The following CSMD3 variants were observed in gnomAD, a reference collection of about 807,000 sequenced individuals.
CSMD3 encodes CUB and sushi domain-containing protein 3.
In CSMD3, 177 loss-of-function variants were observed where a neutral mutation model predicts 435.2. The ratio of observed to expected loss-of-function variants is 0.41; its 90% CI spans 0.36 to 0.46. The LOEUF (loss-of-function observed/expected upper bound fraction) is 0.46. Ranked by LOEUF, CSMD3 falls within the 20% of genes least tolerant of loss-of-function variation. The probability of loss-of-function intolerance (pLI) is 0.34; values close to 1 mark genes in which losing one functional copy is unlikely to be tolerated. For missense variants in CSMD3, 4,265 were observed against 4,504.6 expected (o/e 0.95, Z 1.52); for synonymous variants, 1,656 against 1,520.5 (o/e 1.09, Z -2.07).
chr8:112,712,796 A>T (rs1229749837), intron 13 of CSMD3, among the ~76,000 whole-genome samples: 2 of 28,656 alleles, frequency 7.0e-5, no homozygotes, highest in African/African-American at 3.6e-4. Context: ...AATCAAAAAT[A>T]AAAAAAAAAA....
At chr8:113,007,975 A>G (rs1336860182) in intron 6 of CSMD3, among the ~76,000 whole-genome samples, 1 of 151,890 alleles carries the variant, frequency 6.6e-6, no homozygotes, top group African/African-American at 2.4e-5. Context: ...GAAATGAGAA[A>G]TATTCATTCC....
chr8:112,557,014 C>A (rs1042370078), intron 24 of CSMD3, 60 bp from the exon 25 acceptor site: 8 of 995,866 alleles, frequency 8.0e-6, no homozygotes, highest in East Asian at 5.0e-5. Flanking sequence ...TAAATCTATA[C>A]AAATCATTCC....
intron 12 of CSMD3, among the ~76,000 whole-genome samples, chr8:112,825,773 G>A (rs985120494): frequency 1.3e-5 from 2 of 152,076 alleles, no homozygotes; most frequent in Non-Finnish European, 2.9e-5. Context: ...TCCTGTATAG[G>A]GTGTCTGAGA....
intron 35 of CSMD3, among the ~76,000 whole-genome samples, chr8:112,396,189 A>C (rs910947155): frequency 6.6e-5 from 10 of 152,288 alleles, no homozygotes; most frequent in Admixed American, 4.6e-4. Context: ...GAACTGTGAA[A>C]CTGAAATGAT....
rs1300369089 is a variant in CSMD3, at chr8:112,420,403, C to G, written c.5396-11371G>C. Among the ~76,000 whole-genome samples, 3 of 152,208 alleles carry G rather than the reference C, an allele frequency of 2.0e-5. No homozygotes were observed. In the East Asian group the frequency reaches 5.8e-4, roughly 29 times the overall value. Reference sequence around the variant, plus strand: ...AATAGCCACAATATAATTACCAGATCTAACAAATTTAATGATAATTTCTTT... The same window carrying G: ...AATAGCCACAATATAATTACCAGATGTAACAAATTTAATGATAATTTCTTT... On this transcript the variant is annotated intron_variant, in intron 32 of 70. Transcript: ENST00000297405.
chr8:113,301,004 A>G (rs1441537021), intron 2 of CSMD3, among the ~76,000 whole-genome samples: 4 of 152,192 alleles, frequency 2.6e-5, no homozygotes, highest in Admixed American at 6.5e-5. Flanking sequence ...GGGATGATAT[A>G]TATTTTATAA....
At chr8:113,214,509 T>C (rs957545664) in intron 3 of CSMD3, among the ~76,000 whole-genome samples, 1 of 151,970 alleles carries the variant, frequency 6.6e-6, no homozygotes, top group African/African-American at 2.4e-5. Flanking sequence ...ATAACAAGGA[T>C]ATATCTTCTG....
intron 13 of CSMD3, among the ~76,000 whole-genome samples, chr8:112,753,282 T>C (rs956823476): frequency 2.6e-5 from 4 of 152,170 alleles, no homozygotes; most frequent in Admixed American, 2.6e-4. Flanking sequence ...GGGTTGGAGA[T>C]GAAAAGAGGA....
At chr8:113,344,419 A>G (rs1487788162) in intron 1 of CSMD3, among the ~76,000 whole-genome samples, 2 of 152,184 alleles carry the variant, frequency 1.3e-5, no homozygotes, top group Non-Finnish European at 2.9e-5. Context: ...TTATGAAAAC[A>G]TCTATTAAGC....
intron 3 of CSMD3, among the ~76,000 whole-genome samples, chr8:113,236,050 T>A (rs538968247): frequency 6.6e-6 from 1 of 152,160 alleles, no homozygotes; most frequent in Admixed American, 6.6e-5. Context: ...TTCCCTGGGG[T>A]CCCACATGCA....
chr8:112,311,679 C>G (rs990521973), intron 49 of CSMD3, among the ~76,000 whole-genome samples: 1 of 152,162 alleles, frequency 6.6e-6, no homozygotes, highest in Non-Finnish European at 1.5e-5. Flanking sequence ...AAAGTGTGCC[C>G]ATTCTGTCAA....
At chr8:112,449,381 G>A (rs534578558) in intron 32 of CSMD3, among the ~76,000 whole-genome samples, 13 of 152,170 alleles carry the variant, frequency 8.5e-5, no homozygotes, top group African/African-American at 2.4e-4. Context: ...CCATTTTACC[G>A]CCAAAATAGA....
chr8:112,349,333 T>G (rs2131042305), intron 40 of CSMD3, among the ~76,000 whole-genome samples: 1 of 152,168 alleles, frequency 6.6e-6, no homozygotes, highest in South Asian at 2.1e-4. Context: ...TGAGAAATTC[T>G]TACACGTTAA....
At chr8:113,322,185 A>G (rs2093953623) in intron 1 of CSMD3, among the ~76,000 whole-genome samples, 1 of 152,080 alleles carries the variant, frequency 6.6e-6, no homozygotes, top group Non-Finnish European at 1.5e-5. Flanking sequence ...CAAAGTAACC[A>G]TTATCGCCTC....
intron 3 of CSMD3, among the ~76,000 whole-genome samples, chr8:113,236,048 G>A (rs1301017961): frequency 6.6e-6 from 1 of 152,006 alleles, no homozygotes; most frequent in Non-Finnish European, 1.5e-5. Context: ...ACTTCCCTGG[G>A]GTCCCACATG....
intron 2 of CSMD3, among the ~76,000 whole-genome samples, chr8:113,304,904 T>A (rs1442679525): frequency 1.3e-5 from 1 of 74,114 alleles, no homozygotes; most frequent in Admixed American, 2.0e-4. Flanking sequence ...CCCTAAAACT[T>A]AAAGTATAAT....
chr8:112,947,648 G>T (rs1420851256), intron 9 of CSMD3, 142 bp downstream of exon 9: 5 of 498,350 alleles, frequency 1.0e-5, no homozygotes, highest in Non-Finnish European at 1.8e-5. Flanking sequence ...AAAATAATTA[G>T]ATATTATTAA....
intron 13 of CSMD3, among the ~76,000 whole-genome samples, chr8:112,796,017 G>A (rs1361656222): frequency 1.3e-5 from 2 of 152,090 alleles, no homozygotes; most frequent in Non-Finnish European, 2.9e-5. Context: ...TTGTCTGTGT[G>A]TGTGGTTGTG....
chr8:112,619,214 G>A (rs1833882783), intron 22 of CSMD3, among the ~76,000 whole-genome samples: 2 of 151,844 alleles, frequency 1.3e-5, no homozygotes, highest in South Asian at 4.2e-4. Flanking sequence ...ATGGAGTTGG[G>A]GTAGAATTGC....
Sources: gnomAD v4.1 joint callset for allele counts (sites outside exome capture counted in the v4.1 genomes callset) on GRCh38, gnomAD v4.1.1 for gene constraint, MANE v1.5 for transcripts, NCBI Gene and HGNC (gene_info 2026-07-23, HGNC 2026-07-21) for gene names.